Variants in RBFOX2 observed in about 807,000 individuals in gnomAD.
RBFOX2 encodes the protein RNA binding protein fox-1 homolog 2.
RBFOX2 carries 10 observed loss-of-function variants against 49.1 expected under a neutral mutation model. That is an observed-to-expected ratio of 0.20 (90% CI 0.13 to 0.35). The LOEUF (loss-of-function observed/expected upper bound fraction) is 0.35, where lower values mean the gene tolerates loss of function less well. Among genes scored for constraint, RBFOX2 ranks in the 10% least tolerant of loss-of-function variants. The probability of loss-of-function intolerance (pLI) is 1.00; values close to 1 mark genes in which losing one functional copy is unlikely to be tolerated. For synonymous variants in RBFOX2, 183 were observed against 187.4 expected (o/e 0.98, Z 0.19); for missense variants, 323 against 486.9 (o/e 0.66, Z 3.17).
chr22:35,983,609 T>C (rs1172867929), intron 1 of RBFOX2, among the ~76,000 whole-genome samples: 3 of 152,200 alleles, frequency 2.0e-5, no homozygotes, highest in Non-Finnish European at 4.4e-5. Context: ...GACCCAGAGA[T>C]GTTAATAACT....
chr22:35,913,685 G>A (rs2050091297), intron 1 of RBFOX2, among the ~76,000 whole-genome samples: 1 of 151,700 alleles, frequency 6.6e-6, no homozygotes, highest in Non-Finnish European at 1.5e-5. Flanking sequence ...AATTCCAGGT[G>A]GGGATAAACC....
Position 35,790,989 on chromosome 22 carries a change from C to T in RBFOX2, c.253-9243G>A, listed in dbSNP as rs568558542. On this transcript the variant is annotated intron_variant, in intron 2 of 11. Transcript: ENST00000405409. ...TATCACTGCACTCCTGCCTGGGCGA[C>T]AAGGCAAGACCCTGTCTCAAAACAA... Among the ~76,000 whole-genome samples, 10 of 151,994 alleles carry T rather than the reference C, an allele frequency of 6.6e-5. No individual in the cohort carries two copies. The South Asian group carries it at 1.0e-3, about 16-fold the overall frequency.
intron 1 of RBFOX2, among the ~76,000 whole-genome samples, chr22:35,876,577 GCT>G (rs1228310271): frequency 6.6e-6 from 1 of 151,918 alleles, no homozygotes; most frequent in Non-Finnish European, 1.5e-5. Flanking sequence ...CACTTCCTCT[GCT>G]CTGAAAAAGG....
chr22:35,782,057 A>C (rs1329117244), intron 2 of RBFOX2, among the ~76,000 whole-genome samples: 1 of 152,230 alleles, frequency 6.6e-6, no homozygotes, highest in Non-Finnish European at 1.5e-5. Flanking sequence ...TTAGGATCTG[A>C]AGATACAAAA....
At chr22:35,944,807 G>A (rs144160630) in intron 1 of RBFOX2, among the ~76,000 whole-genome samples, 267 of 152,216 alleles carry the variant, frequency 1.8e-3, no homozygotes, top group African/African-American at 5.8e-3. Flanking sequence ...CAGCCGCGGC[G>A]GCTCACGGCT....
chr22:35,893,416 G>A (rs2149387425), intron 1 of RBFOX2, among the ~76,000 whole-genome samples: 1 of 152,288 alleles, frequency 6.6e-6, no homozygotes, highest in South Asian at 2.1e-4. Flanking sequence ...ACATAAGTGA[G>A]TGAAAATGAG....
intron 1 of RBFOX2, chr22:35,897,907 T>C (rs2048063076): frequency 1.4e-6 from 1 of 726,018 alleles, no homozygotes; most frequent in East Asian, 2.5e-5. Context: ...ATGTGCAACA[T>C]GAATGAATTT....
At chr22:35,985,997 C>G (rs1262159844) in intron 1 of RBFOX2, among the ~76,000 whole-genome samples, 1 of 152,040 alleles carries the variant, frequency 6.6e-6, no homozygotes, top group African/African-American at 2.4e-5. Context: ...CCTTGTTGCT[C>G]AGAAAGAAAA....
chr22:35,766,184 C>T (rs1273950512), intron 5 of RBFOX2, among the ~76,000 whole-genome samples: 1 of 152,152 alleles, frequency 6.6e-6, no homozygotes, highest in African/African-American at 2.4e-5. Context: ...AAAGCATTCT[C>T]AGTGCTAGAG....
intron 1 of RBFOX2, among the ~76,000 whole-genome samples, chr22:35,959,039 G>A (rs1300262053): frequency 6.6e-6 from 1 of 152,142 alleles, no homozygotes; most frequent in Admixed American, 6.5e-5. Flanking sequence ...AGAAGGGCAA[G>A]AAGAGCCCAC....
intron 1 of RBFOX2, among the ~76,000 whole-genome samples, chr22:35,926,095 G>A (rs936543349): frequency 6.6e-6 from 1 of 152,118 alleles, no homozygotes; most frequent in Admixed American, 6.5e-5. Flanking sequence ...CAACTATGAG[G>A]CCTTTTGTCT....
chr22:35,815,638 C>T (rs964649411), intron 1 of RBFOX2, among the ~76,000 whole-genome samples: 3 of 152,124 alleles, frequency 2.0e-5, no homozygotes, highest in African/African-American at 7.2e-5. Context: ...GGATCATGCA[C>T]ACAAACAGAT....
chr22:35,757,397 C>T (rs1236838093), intron 9 of RBFOX2, among the ~76,000 whole-genome samples: 2 of 152,136 alleles, frequency 1.3e-5, no homozygotes, highest in Non-Finnish European at 2.9e-5. Context: ...TCTTCTTCAT[C>T]TCTGTGAAGT....
At chr22:35,920,653 A>G (rs1247177508) in intron 1 of RBFOX2, among the ~76,000 whole-genome samples, 2 of 152,340 alleles carry the variant, frequency 1.3e-5, no homozygotes, top group African/African-American at 2.4e-5. Flanking sequence ...TCCTAAAAGC[A>G]TATCATGAAA....
At chr22:35,969,762 A>C (rs748232939) in intron 1 of RBFOX2, among the ~76,000 whole-genome samples, 1 of 152,226 alleles carries the variant, frequency 6.6e-6, no homozygotes, top group Non-Finnish European at 1.5e-5. Context: ...TTTAACTACC[A>C]CATTACCCTT....
chr22:35,775,507 T>C (rs979509363), intron 4 of RBFOX2, among the ~76,000 whole-genome samples: 1 of 152,090 alleles, frequency 6.6e-6, no homozygotes, highest in African/African-American at 2.4e-5. Flanking sequence ...TACTTTCAAA[T>C]GAGTTACATG....
At chr22:35,802,788 G>C (rs1233900860) in intron 2 of RBFOX2, among the ~76,000 whole-genome samples, 3 of 152,102 alleles carry the variant, frequency 2.0e-5, no homozygotes, top group Non-Finnish European at 4.4e-5. Context: ...GTCACAAAAG[G>C]GCCAGATATG....
intron 1 of RBFOX2, among the ~76,000 whole-genome samples, chr22:36,001,606 T>G (rs2058428670): frequency 6.6e-6 from 1 of 151,032 alleles, no homozygotes. Context: ...CAAAAAATAA[T>G]TTAAAAATTA....
intron 2 of RBFOX2, among the ~76,000 whole-genome samples, chr22:35,794,601 T>C (rs926112142): frequency 6.6e-6 from 1 of 150,854 alleles, no homozygotes; most frequent in African/African-American, 2.4e-5. Flanking sequence ...GAACTTACAG[T>C]GAGCCGAGAT....
Sources: gnomAD v4.1 joint callset for allele counts (sites outside exome capture counted in the v4.1 genomes callset) on GRCh38, gnomAD v4.1.1 for gene constraint, MANE v1.5 for transcripts, NCBI Gene and HGNC (gene_info 2026-07-23, HGNC 2026-07-21) for gene names.